SHCBP1L: variants seen among roughly 807,000 people sequenced by gnomAD.
SHCBP1L encodes the protein SHC binding and spindle associated 1 like.
In SHCBP1L, 67 loss-of-function variants were observed where a neutral mutation model predicts 62.5. That is an observed-to-expected ratio of 1.07 (90% CI 0.88 to 1.31). SHCBP1L has a LOEUF of 1.31. Among genes scored for constraint, SHCBP1L ranks in the 40% most tolerant of loss-of-function variants. The pLI, the probability that SHCBP1L is intolerant of heterozygous loss-of-function variation, is 0.00. For synonymous variants in SHCBP1L, 284 were observed against 289.4 expected, an observed-to-expected ratio of 0.98 and a Z score of 0.19; for missense variants, 823 against 809.8, an observed-to-expected ratio of 1.02 and a Z score of -0.20.
chr1:182,945,084 C>T (rs1000778738), intron 2 of SHCBP1L, among the ~76,000 whole-genome samples: 1 of 151,382 alleles, frequency 6.6e-6, no homozygotes, highest in African/African-American at 2.4e-5. Flanking sequence ...CTGCCTCAGC[C>T]TCCCACGTAT....
chr1:182,924,723 A>AGAAC (rs1338032916), intron 6 of SHCBP1L, among the ~76,000 whole-genome samples: 2 of 74,796 alleles, frequency 2.7e-5, no homozygotes, highest in South Asian at 1.1e-3. Flanking sequence ...AAAGAAAGAA[A>AGAAC]GAAAGAAAGA....
intron 2 of SHCBP1L, among the ~76,000 whole-genome samples, chr1:182,942,955 G>A (rs1022530908): frequency 6.6e-6 from 1 of 152,150 alleles, no homozygotes; most frequent in Admixed American, 6.5e-5. Context: ...CTTCAAAGCA[G>A]TTATGGGACA....
chr1:182,926,110 C>G (rs1039540059), intron 6 of SHCBP1L, among the ~76,000 whole-genome samples: 4 of 152,090 alleles, frequency 2.6e-5, no homozygotes, highest in Non-Finnish European at 5.9e-5. Flanking sequence ...AGGAACCAGA[C>G]AGATGTACAC....
intron 2 of SHCBP1L, among the ~76,000 whole-genome samples, chr1:182,941,214 T>C (rs1651352436): frequency 6.9e-6 from 1 of 144,976 alleles, no homozygotes; most frequent in Non-Finnish European, 1.5e-5. Flanking sequence ...CCCTGCTATC[T>C]GTATTACACC....
intron 6 of SHCBP1L, among the ~76,000 whole-genome samples, chr1:182,912,790 T>C (rs1650230469): frequency 6.6e-6 from 1 of 151,790 alleles, no homozygotes; most frequent in Non-Finnish European, 1.5e-5. Flanking sequence ...CCCAAAGTGC[T>C]GGGATTACAG....
At chr1:182,923,205 CT>C (rs1275882080) in intron 6 of SHCBP1L, among the ~76,000 whole-genome samples, 4 of 152,214 alleles carry the variant, frequency 2.6e-5, no homozygotes, top group South Asian at 2.1e-4. Flanking sequence ...CATAAACAGA[CT>C]AATAATGAGT....
intron 6 of SHCBP1L, among the ~76,000 whole-genome samples, chr1:182,909,932 G>T (rs893383551): frequency 2.0e-5 from 3 of 152,206 alleles, no homozygotes; most frequent in Non-Finnish European, 4.4e-5. Context: ...TAAATACGAA[G>T]AAGTGGAAAT....
At chr1:182,929,074 G>A (rs1650875194) in intron 6 of SHCBP1L, among the ~76,000 whole-genome samples, 1 of 152,052 alleles carries the variant, frequency 6.6e-6, no homozygotes, top group Non-Finnish European at 1.5e-5. Flanking sequence ...GATTTGAAAC[G>A]CTACTGAGAG....
intron 7 of SHCBP1L, 108 bp from the exon 8 acceptor site, chr1:182,904,538 T>C (rs894691504): frequency 5.3e-4 from 106 of 199,880 alleles, no homozygotes; most frequent in Middle Eastern, 1.7e-3. Flanking sequence ...TGTGTGCGTG[T>C]GTGTGTGTGT....
intron 2 of SHCBP1L, among the ~76,000 whole-genome samples, chr1:182,948,227 G>T (rs909930396): frequency 1.3e-5 from 2 of 152,210 alleles, no homozygotes; most frequent in Middle Eastern, 3.4e-3. Flanking sequence ...TTGTTGGTTG[G>T]TTATTGTATG....
At chr1:182,906,092 G>A (rs537677002) in intron 6 of SHCBP1L, among the ~76,000 whole-genome samples, 1 of 151,944 alleles carries the variant, frequency 6.6e-6, no homozygotes, top group Non-Finnish European at 1.5e-5. Context: ...ACACCACCAC[G>A]TCTGGCTAAT....
chr1:182,942,447 C>G lies in SHCBP1L; in HGVS notation c.556-1904G>C, dbSNP rs1244483612. The G allele has an allele frequency of 1.8e-5, 12 of 679,990 alleles. 1 individual carries two copies. In the East Asian group the frequency reaches 3.3e-4, roughly 19 times the overall value. 42.1% of individuals were successfully genotyped at this position (679,990 alleles called of 1,614,324 possible). A position where few individuals can be genotyped will look rare whatever the true frequency, so the allele number is the denominator to read the frequency against. ...CGTGCCGGGTGCCTGCGGGCCGTGG[C>G]GCGCCGAGAGCCTCCGCGAAACTGG... On this transcript the variant is annotated intron_variant, in intron 2 of 9. Transcript: ENST00000367547.
chr1:182,942,755 A>T (rs1036135937), intron 2 of SHCBP1L, among the ~76,000 whole-genome samples: 9 of 152,196 alleles, frequency 5.9e-5, no homozygotes, highest in Non-Finnish European at 1.3e-4. Flanking sequence ...TGTTCTAAAA[A>T]TTTTCAAGTA....
At chr1:182,929,577 T>G (rs1011370254) in intron 6 of SHCBP1L, 70 bp downstream of exon 6, 3 of 977,198 alleles carry the variant, frequency 3.1e-6, no homozygotes, top group Non-Finnish European at 2.9e-6. Flanking sequence ...GACTCCACCC[T>G]CAGGGAGCTT....
Position 182,904,413 on chromosome 1 carries a change from CCT to C in SHCBP1L, c.1352_1353del (p.Glu451GlyfsTer7), listed in dbSNP as rs763629573. On this transcript the variant is annotated frameshift_variant, in exon 8 of 10. Coordinates refer to ENST00000367547, the MANE Select transcript of SHCBP1L (RefSeq NM_030933.4). LOFTEE classifies it high-confidence loss of function. ...DIIIKGVGKR[E>X]EIMITSEPSR... ...GAAGGTTCAGAAGTAATCATAATTT[CCT>C]CTCTCTTTCCAACTCCTGATTCATA... 7 of 1,613,932 alleles carry C rather than the reference CCT, an allele frequency of 4.3e-6. No homozygotes were observed. In the Admixed American group the frequency reaches 5.0e-5, roughly 12 times the overall value.
intron 6 of SHCBP1L, among the ~76,000 whole-genome samples, chr1:182,926,332 A>G (rs901468268): frequency 2.6e-5 from 4 of 152,200 alleles, no homozygotes; most frequent in Non-Finnish European, 5.9e-5. Flanking sequence ...TGTACTTCGT[A>G]TATTTTCAGA....
At position 182,939,370 on chromosome 1, in the gene SHCBP1L, T is replaced by A. The variant is rs1485137322; in HGVS notation, c.882A>T (p.Thr294=). 1 of 1,613,818 alleles carries A rather than the reference T, an allele frequency of 6.2e-7. No homozygotes were observed. Among genetic ancestry groups the A allele is most frequent in the Non-Finnish European group, 8.5e-7 (1 of 1,179,932 alleles). The change falls in exon 5 of 10, where the codon ACA becomes ACT. Residue 294 remains threonine, a synonymous_variant. Transcript: ENST00000367547. ...AACGTTGTGCGATAGGACCAGGTAT[T>A]GTTCCATCCTGTATATCACACCACC... ...INLWCDIQDG[T]IPGPIAQRFK...
At chr1:182,942,029 T>C in intron 2 of SHCBP1L, 1 of 874,052 alleles carries the variant, frequency 1.1e-6, no homozygotes, top group East Asian at 2.6e-5. Flanking sequence ...ATTTACAAAA[T>C]AGTTGATAAA....
intron 1 of SHCBP1L, chr1:182,952,377 T>C (rs1183080497): frequency 1.4e-5 from 3 of 208,032 alleles, no homozygotes; most frequent in Non-Finnish European, 2.8e-5. Context: ...TAAGTGATCT[T>C]ACTCATGTTT....
Sources: allele counts gnomAD v4.1 joint callset (sites outside exome capture counted in the v4.1 genomes callset), GRCh38; gene constraint gnomAD v4.1.1; transcripts MANE v1.5; gene names NCBI Gene and HGNC (gene_info 2026-07-23, HGNC 2026-07-21).